Variants in PLXNA4 observed in about 807,000 individuals in gnomAD.
PLXNA4 encodes the protein plexin A4, also known as plexin-A4.
PLXNA4 carries 44 observed loss-of-function variants against 191.8 expected under a neutral mutation model. The ratio of observed to expected loss-of-function variants is 0.23; its 90% CI spans 0.18 to 0.29. The LOEUF (loss-of-function observed/expected upper bound fraction) is 0.29. PLXNA4 is among the 10% of genes least tolerant of loss of function. The pLI is 1.00. For synonymous variants in PLXNA4, 1,082 were observed against 1,009.5 expected (o/e 1.07, Z -1.36); for missense variants, 1,800 against 2,488.8 (o/e 0.72, Z 5.89).
chr7:132,602,578 G>C (rs1037882861), intron 2 of PLXNA4, among the ~76,000 whole-genome samples: 5 of 152,186 alleles, frequency 3.3e-5, no homozygotes, highest in African/African-American at 1.2e-4. Context: ...ACCCAAACAA[G>C]CTTCCCAGTC....
Position 132,383,530 on chromosome 7 carries a change from G to A in PLXNA4, c.1372-85308C>T, listed in dbSNP as rs1376086922. The A allele has an allele frequency of 3.1e-6, 3 of 967,900 alleles. No homozygotes were observed. In the African/African-American group the frequency reaches 5.3e-5, roughly 17 times the overall value. The allele number at this position is 967,900 out of a possible 1,614,324, so 60.0% of individuals were successfully genotyped here. ...CTTTCCAGTTTTTATTTTATTCATT[G>A]TATCATGCTTTCTAATTGTCTCATG... On this transcript the variant is annotated intron_variant, in intron 3 of 31. Coordinates refer to ENST00000321063, the MANE Select transcript of PLXNA4 (RefSeq NM_020911.2).
intron 3 of PLXNA4, among the ~76,000 whole-genome samples, chr7:132,341,181 G>A (rs73723792): frequency 6.6e-6 from 1 of 152,228 alleles, no homozygotes; most frequent in Non-Finnish European, 1.5e-5. Context: ...GGATAATTGG[G>A]CATTTACTTA....
rs773285975 is a variant in PLXNA4, at chr7:132,211,002, C to T, written c.2239G>A (p.Glu747Lys). ...YECILNIQGS[E>K]QRVPALRFNS... ...AAGCGCAGGGCGGGCACTCGCTGCT[C>T]GCTGCCCTGAATGTTGAGGATGCAT... is the stretch of plus-strand genomic sequence containing the variant. Residue 747 changes from glutamate to lysine, a missense_variant, in exon 10 of 32, where the codon GAG (glutamate) becomes AAG (lysine). By Grantham distance (56) the Glu-to-Lys change is moderately conservative. Coordinates refer to ENST00000321063, the MANE Select transcript of PLXNA4 (RefSeq NM_020911.2). 4.3e-6 allele frequency: 7 copies of T among 1,613,920 alleles called. No homozygotes were observed. The highest frequency in any genetic ancestry group is 1.7e-5 in the Admixed American group (1 of 60,030).
At chr7:132,208,372 A>G (rs933412478) in intron 10 of PLXNA4, among the ~76,000 whole-genome samples, 4 of 152,232 alleles carry the variant, frequency 2.6e-5, no homozygotes, top group Admixed American at 1.3e-4. Flanking sequence ...TAATGGTGTC[A>G]AAATTAAAAA....
intron 3 of PLXNA4, among the ~76,000 whole-genome samples, chr7:132,338,938 G>A (rs970726518): frequency 7.2e-5 from 11 of 152,134 alleles, no homozygotes; most frequent in Non-Finnish European, 1.5e-4. Context: ...CACTGCTGGC[G>A]AGATGACACA....
intron 2 of PLXNA4, among the ~76,000 whole-genome samples, chr7:132,639,065 A>G (rs1285699905): frequency 6.6e-6 from 1 of 152,164 alleles, no homozygotes; most frequent in African/African-American, 2.4e-5. Context: ...ACTCTGCAGC[A>G]TCTGGGTTAT....
intron 1 of PLXNA4, among the ~76,000 whole-genome samples, chr7:132,551,765 CCT>C (rs1800572776): frequency 6.6e-6 from 1 of 152,220 alleles, no homozygotes; most frequent in African/African-American, 2.4e-5. Flanking sequence ...CCCGGAAAAA[CCT>C]CTGTGTCCTT....
chr7:132,588,025 C>T (rs1180151017), intron 2 of PLXNA4, among the ~76,000 whole-genome samples: 1 of 151,896 alleles, frequency 6.6e-6, no homozygotes, highest in Non-Finnish European at 1.5e-5. Context: ...CTCTCCCTTT[C>T]CTTGGGGGAC....
At chr7:132,159,705 C>A in intron 24 of PLXNA4, 73 bp from the exon 25 acceptor site, 1 of 1,584,276 alleles carries the variant, frequency 6.3e-7, no homozygotes. Flanking sequence ...CCAGCAGCAC[C>A]CTGGGATTCC....
intron 13 of PLXNA4, among the ~76,000 whole-genome samples, chr7:132,196,656 G>A (rs1797262895): frequency 6.6e-6 from 1 of 152,182 alleles, no homozygotes; most frequent in Non-Finnish European, 1.5e-5. Flanking sequence ...GTGATGGCCA[G>A]GCTAAAGGCT....
chr7:132,474,137 G>T (rs1339461282), intron 3 of PLXNA4, among the ~76,000 whole-genome samples: 2 of 151,088 alleles, frequency 1.3e-5, no homozygotes, highest in African/African-American at 2.4e-5. Flanking sequence ...AAATGCAAAG[G>T]CAGCATTAGC....
chr7:132,345,588 G>A (rs1047256408), intron 3 of PLXNA4, among the ~76,000 whole-genome samples: 3 of 152,152 alleles, frequency 2.0e-5, no homozygotes, highest in South Asian at 2.1e-4. Context: ...CGGTTGCTCT[G>A]GGAACTCTAT....
intron 2 of PLXNA4, among the ~76,000 whole-genome samples, chr7:132,626,962 C>G (rs562448430): frequency 3.3e-5 from 5 of 152,276 alleles, no homozygotes; most frequent in African/African-American, 9.6e-5. Context: ...TAATAAAGGG[C>G]CTGCATGCTG....
chr7:132,290,621 C>T (rs910823190), intron 4 of PLXNA4, among the ~76,000 whole-genome samples: 1 of 152,180 alleles, frequency 6.6e-6, no homozygotes. Context: ...AGGAGGCTAA[C>T]AGAGACACAC....
intron 15 of PLXNA4, among the ~76,000 whole-genome samples, chr7:132,186,409 C>T (rs1457427852): frequency 1.3e-5 from 2 of 152,144 alleles, no homozygotes; most frequent in Non-Finnish European, 2.9e-5. Context: ...AAATTGCATT[C>T]TGGGGTAACC....
intron 2 of PLXNA4, among the ~76,000 whole-genome samples, chr7:132,490,246 G>A (rs138599452): frequency 4.9e-4 from 75 of 152,212 alleles, no homozygotes; most frequent in African/African-American, 1.7e-3. Context: ...CCAGGTCCCC[G>A]ATATGCTCTA....
chr7:132,402,705 C>T (rs1794043463), intron 3 of PLXNA4, among the ~76,000 whole-genome samples: 1 of 152,218 alleles, frequency 6.6e-6, no homozygotes, highest in Non-Finnish European at 1.5e-5. Flanking sequence ...GCCGCTCAGT[C>T]CATCGGATCA....
At chr7:132,637,909 A>G (rs1209740821) in intron 2 of PLXNA4, among the ~76,000 whole-genome samples, 2 of 152,132 alleles carry the variant, frequency 1.3e-5, no homozygotes, top group African/African-American at 2.4e-5. Flanking sequence ...TCCCCACTAT[A>G]AAGTTTTCTT....
At chr7:132,182,512 C>T (rs1025240694) in intron 16 of PLXNA4, among the ~76,000 whole-genome samples, 1 of 152,170 alleles carries the variant, frequency 6.6e-6, no homozygotes, top group South Asian at 2.1e-4. Context: ...TGCTTCTCTG[C>T]AACCCCTTGG....
Sources: allele counts gnomAD v4.1 joint callset (sites outside exome capture counted in the v4.1 genomes callset), GRCh38; gene constraint gnomAD v4.1.1; transcripts MANE v1.5; gene names NCBI Gene and HGNC (gene_info 2026-07-23, HGNC 2026-07-21).